Variants in ACAP2 observed in about 807,000 individuals in gnomAD.
ACAP2 encodes arf-GAP with coiled-coil, ANK repeat and PH domain-containing protein 2.
A neutral mutation model predicts 115.8 loss-of-function variants in ACAP2; 39 were observed. That is an observed-to-expected ratio of 0.34 (90% CI 0.26 to 0.44). The LOEUF is 0.44. ACAP2 is among the 20% of genes least tolerant of loss of function. The pLI is 1.00. For synonymous variants in ACAP2, 289 were observed against 315.8 expected, an observed-to-expected ratio of 0.92 and a Z score of 0.90; for missense variants, 662 against 927.6, an observed-to-expected ratio of 0.71 and a Z score of 3.72.
intron 1 of ACAP2, among the ~76,000 whole-genome samples, chr3:195,437,013 C>T (rs1715593863): frequency 6.6e-6 from 1 of 152,106 alleles, no homozygotes; most frequent in South Asian, 2.1e-4. Flanking sequence ...TGATAAAAGA[C>T]ACCATAAACA....
At chr3:195,362,519 T>C (rs1322091798) in intron 4 of ACAP2, among the ~76,000 whole-genome samples, 1 of 151,824 alleles carries the variant, frequency 6.6e-6, no homozygotes, top group Non-Finnish European at 1.5e-5. Flanking sequence ...CAGAGATGCA[T>C]AAAAAATAAC....
intron 1 of ACAP2, among the ~76,000 whole-genome samples, chr3:195,409,011 T>C (rs1021780203): frequency 5.9e-5 from 9 of 151,844 alleles, no homozygotes; most frequent in African/African-American, 2.2e-4. Context: ...AAAGCTTCCC[T>C]GTAGGATTAG....
Position 195,275,156 on chromosome 3 carries a change from A to G in ACAP2, c.*4172T>C, listed in dbSNP as rs1013119327. 2 of 152,634 alleles carry G rather than the reference A, an allele frequency of 1.3e-5. No homozygotes were observed. Among genetic ancestry groups the G allele is most frequent in the African/African-American group, 4.8e-5 (2 of 41,468 alleles). The allele number at this position is 152,634 out of a possible 1,614,324, so 9.5% of individuals were successfully genotyped here. ...ATAATGTAGCAAGCTTTCCCTGTTT[A>G]ATATCCAAAAAATGGAGGGTGGGGA... On this transcript the variant is annotated 3_prime_UTR_variant, in exon 23 of 23. Transcript: ENST00000326793.
intron 22 of ACAP2, among the ~76,000 whole-genome samples, chr3:195,283,376 G>A (rs1350230131): frequency 3.9e-5 from 6 of 152,082 alleles, no homozygotes; most frequent in African/African-American, 1.4e-4. Context: ...TTCACAAGTG[G>A]GGTTTCCTAG....
intron 9 of ACAP2, chr3:195,325,580 A>G (rs1729741586): frequency 2.7e-6 from 1 of 372,508 alleles, no homozygotes; most frequent in Non-Finnish European, 5.2e-6. Flanking sequence ...CTTAGAGTTA[A>G]TAATTTACCA....
chr3:195,343,033 G>A (rs1730978842), intron 5 of ACAP2, among the ~76,000 whole-genome samples: 1 of 151,062 alleles, frequency 6.6e-6, no homozygotes, highest in South Asian at 2.1e-4. Context: ...ATTTAGAATT[G>A]AATTCCTATG....
chr3:195,403,259 G>C (rs1178094790), intron 1 of ACAP2, among the ~76,000 whole-genome samples: 1 of 152,158 alleles, frequency 6.6e-6, no homozygotes, highest in Non-Finnish European at 1.5e-5. Context: ...GAAAGGGAGA[G>C]AGCTGCGGAA....
chr3:195,327,032 T>C, intron 8 of ACAP2, 73 bp from the exon 9 acceptor site: 3 of 1,285,172 alleles, frequency 2.3e-6, no homozygotes, highest in South Asian at 2.6e-5. Flanking sequence ...ATATTCCAAA[T>C]CATTTCACAG....
Position 195,301,957 on chromosome 3 carries a change from C to T in ACAP2, c.1325+9G>A, listed in dbSNP as rs1728088341. On this transcript the variant is annotated intron_variant, in intron 14 of 22. Coordinates refer to ENST00000326793, the MANE Select transcript of ACAP2 (RefSeq NM_012287.6). The stretch of plus-strand genomic sequence containing the variant: ...AGAAGAAATTCTCATCCTGGGCAGG[C>T]CTACCCACCGGTGAATTCCGGAGCA... The T allele has an allele frequency of 6.2e-7, 1 of 1,611,110 alleles. No individual in the cohort carries two copies. The highest frequency in any genetic ancestry group is 1.1e-5 in the South Asian group (1 of 90,778).
chr3:195,422,771 G>A (rs114213891), intron 1 of ACAP2, among the ~76,000 whole-genome samples: 2,228 of 152,176 alleles, frequency 0.015, 20 homozygotes, highest in Non-Finnish European at 0.023. Flanking sequence ...TTTCTATGAT[G>A]AGCCTCCAAA....
chr3:195,412,299 G>A (rs757367221), intron 1 of ACAP2, among the ~76,000 whole-genome samples: 6 of 151,416 alleles, frequency 4.0e-5, no homozygotes, highest in Admixed American at 6.6e-5. Context: ...TATCAAATGT[G>A]AGCAGGGTGT....
chr3:195,314,364 T>C (rs1185014430), intron 10 of ACAP2, among the ~76,000 whole-genome samples: 1 of 151,936 alleles, frequency 6.6e-6, no homozygotes, highest in Non-Finnish European at 1.5e-5. Context: ...CCTCCCTGGG[T>C]TCAAGTGATT....
intron 4 of ACAP2, among the ~76,000 whole-genome samples, chr3:195,348,648 C>A (rs981891399): frequency 6.6e-6 from 1 of 151,990 alleles, no homozygotes; most frequent in Non-Finnish European, 1.5e-5. Flanking sequence ...GGGATATATT[C>A]CAGGAATGAA....
intron 10 of ACAP2, among the ~76,000 whole-genome samples, chr3:195,313,326 T>C (rs751828949): frequency 3.3e-5 from 5 of 152,220 alleles, no homozygotes; most frequent in South Asian, 4.1e-4. Context: ...CTATAAAATA[T>C]AGATAGCACC....
chr3:195,381,874 T>A, intron 3 of ACAP2, 29 bp downstream of exon 3: 1 of 1,565,730 alleles, frequency 6.4e-7, no homozygotes, highest in Non-Finnish European at 8.6e-7. Flanking sequence ...TTTTTTTTCA[T>A]TTTTAACTGC....
At position 195,326,952 on chromosome 3, in the gene ACAP2, C is replaced by T. The variant is rs1232089082; in HGVS notation, c.677G>A (p.Arg226Gln). 3.1e-6 allele frequency: 5 copies of T among 1,613,428 alleles called. No individual in the cohort carries two copies. The African/African-American group carries it at 4.0e-5, about 13-fold the overall frequency. ...YMKDLGAQLDRLVVDAAKEKR... is the reference protein window; with the variant it reads ...YMKDLGAQLDQLVVDAAKEKR... Reference sequence around the variant, plus strand: ...CTCCTTTGCTGCATCCACAACCAGTCGATCCAACTGTAAAAAGGGAAAAGA... The same window carrying T: ...CTCCTTTGCTGCATCCACAACCAGTTGATCCAACTGTAAAAAGGGAAAAGA... Residue 226 changes from arginine to glutamine, a missense_variant, in exon 9 of 23, where the codon CGA becomes CAA. Transcript: ENST00000326793.
At chr3:195,371,230 T>A (rs548088944) in intron 4 of ACAP2, among the ~76,000 whole-genome samples, 2 of 152,332 alleles carry the variant, frequency 1.3e-5, no homozygotes, top group African/African-American at 4.8e-5. Context: ...ATCTCTGATT[T>A]CTTTGAGCAA....
intron 4 of ACAP2, among the ~76,000 whole-genome samples, chr3:195,354,261 T>C (rs2410803): frequency 0.83 from 125,405 of 151,766 alleles, 52,037 homozygotes; most frequent in East Asian, 0.94. Flanking sequence ...GGCATTTAGG[T>C]TGATTCCACG....
intron 4 of ACAP2, among the ~76,000 whole-genome samples, chr3:195,350,389 G>C (rs1220882804): frequency 6.6e-6 from 1 of 152,194 alleles, no homozygotes; most frequent in African/African-American, 2.4e-5. Context: ...TCTGGGTACA[G>C]TGGCTCACGT....
Sources: allele counts gnomAD v4.1 joint callset (sites outside exome capture counted in the v4.1 genomes callset), GRCh38; gene constraint gnomAD v4.1.1; transcripts MANE v1.5; gene names NCBI Gene and HGNC (gene_info 2026-07-23, HGNC 2026-07-21).